Variants in CDON observed in about 807,000 individuals in gnomAD.
The protein encoded by CDON is cell adhesion molecule-related/down-regulated by oncogenes.
Under a neutral mutation model 120.9 loss-of-function variants are expected in CDON, and 73 were observed. That is an observed-to-expected ratio of 0.60 (90% CI 0.50 to 0.73). CDON has a LOEUF of 0.73. Ranked by LOEUF, CDON falls within the 30% of genes least tolerant of loss-of-function variation. CDON has a pLI of 0.00. For synonymous variants in CDON, 566 were observed against 573.5 expected, an observed-to-expected ratio of 0.99 and a Z score of 0.19; for missense variants, 1,470 against 1,587.3, an observed-to-expected ratio of 0.93 and a Z score of 1.26.
chr11:125,961,284 G>A (rs1037193030), intron 19 of CDON, among the ~76,000 whole-genome samples, 179 bp from the exon 20 acceptor site: 5 of 152,190 alleles, frequency 3.3e-5, no homozygotes, highest in Non-Finnish European at 5.9e-5. Flanking sequence ...TTAAAATAAA[G>A]TTGAGCTCTC....
intron 16 of CDON, among the ~76,000 whole-genome samples, chr11:125,981,965 A>ATTTCCTTTT (rs1946318366): frequency 2.9e-5 from 1 of 34,424 alleles, no homozygotes; most frequent in African/African-American, 8.2e-5. Context: ...AAGTGATTCT[A>ATTTCCTTTT]TTTTCTTTTT....
At chr11:126,032,294 G>A (rs1947964558) in intron 1 of CDON, among the ~76,000 whole-genome samples, 1 of 151,956 alleles carries the variant, frequency 6.6e-6, no homozygotes, top group Non-Finnish European at 1.5e-5. Flanking sequence ...TACGTTTGGG[G>A]GATGGAGTAG....
intron 11 of CDON, 118 bp downstream of exon 11, chr11:126,001,601 A>G: frequency 1.2e-6 from 1 of 852,240 alleles, no homozygotes; most frequent in Non-Finnish European, 1.9e-6. Context: ...AATAGAACCT[A>G]AAAGAACTGT....
In CDON at chr11:125,959,086, C is replaced by G; in HGVS notation, c.*1856G>C. ...TGTAGAACTTGGGTCTACAGCATCC[C>G]TAATATCCGACTAGGGAATTACATT... On this transcript the variant is annotated 3_prime_UTR_variant, in exon 20 of 20. Coordinates refer to ENST00000531738, the MANE Select transcript of CDON (RefSeq NM_001378964.1). 6.6e-6 allele frequency: 1 copy of G among 152,138 alleles called. No individual in the cohort carries two copies. Among genetic ancestry groups the G allele is most frequent in the East Asian group, 1.9e-4 (1 of 5,194 alleles). 9.4% of individuals were successfully genotyped at this position (152,138 alleles called of 1,614,324 possible). A position where few individuals can be genotyped will look rare whatever the true frequency, so the allele number is the denominator to read the frequency against.
At position 126,017,344 on chromosome 11, in the gene CDON, G is replaced by T; in HGVS notation, c.672C>A (p.His224Gln). Residue 224 changes from histidine (H) to glutamine (Q), a missense_variant, in exon 6 of 20, where the codon CAC (histidine) becomes CAA (glutamine). Physicochemically the swap from His to Gln is conservative, Grantham distance 24 (BLOSUM62 0). Coordinates refer to ENST00000531738, the MANE Select transcript of CDON (RefSeq NM_001378964.1). ...CAGCTAATGCCTGTGAATGGGTGGG[G>T]TGAAGAATGTGAACATCATCTGAAG... is the stretch of plus-strand genomic sequence containing the variant. ...RPSSDDVHILHPTHSQALAVL... is the reference protein window; with the variant it reads ...RPSSDDVHILQPTHSQALAVL... 6.2e-7 allele frequency: 1 copy of T among 1,614,148 alleles called. No homozygotes were observed. The highest frequency in any genetic ancestry group is 8.5e-7 in the Non-Finnish European group (1 of 1,180,020).
intron 5 of CDON, among the ~76,000 whole-genome samples, chr11:126,017,612 T>G (rs973480295): frequency 1.3e-5 from 2 of 152,152 alleles, no homozygotes; most frequent in Non-Finnish European, 1.5e-5. Flanking sequence ...ACGCCTCTGC[T>G]ATGCTCTATT....
Position 125,959,619 on chromosome 11 carries a change from A to G in CDON, c.*1323T>C, listed in dbSNP as rs1386664732. Reference sequence around the variant, plus strand: ...AAAACAAACAAACAAAAAAAAACAAAAAACAAACAAACAAAAAAAAACCCT... The same window carrying G: ...AAAACAAACAAACAAAAAAAAACAAGAAACAAACAAACAAAAAAAAACCCT... On this transcript the variant is annotated 3_prime_UTR_variant, in exon 20 of 20. Transcript: ENST00000531738. The G allele has an allele frequency of 6.6e-6, 1 of 152,180 alleles. No homozygotes were observed. Among genetic ancestry groups the G allele is most frequent in the South Asian group, 2.1e-4 (1 of 4,826 alleles). 9.4% of individuals were successfully genotyped at this position (152,180 alleles called of 1,614,324 possible).
chr11:126,002,634 C>T (rs675864), intron 10 of CDON, among the ~76,000 whole-genome samples: 51,871 of 152,016 alleles, frequency 0.34, 9,136 homozygotes, highest in African/African-American at 0.38. Flanking sequence ...TATCCTTCCT[C>T]TGTGCTTCCC....
chr11:125,988,053 T>G (rs540571211), intron 15 of CDON, among the ~76,000 whole-genome samples: 1 of 152,350 alleles, frequency 6.6e-6, no homozygotes, highest in African/African-American at 2.4e-5. Context: ...CCCTGATGGC[T>G]GCCCAGCTCA....
chr11:126,015,475 T>A lies in CDON; in HGVS notation c.964A>T (p.Ile322Leu). 1 of 1,614,080 alleles carries A rather than the reference T, an allele frequency of 6.2e-7. No individual in the cohort carries two copies. Among genetic ancestry groups the A allele is most frequent in the Non-Finnish European group, 8.5e-7 (1 of 1,179,962 alleles). Residue 322 changes from isoleucine to leucine, a missense_variant, in exon 7 of 20, where the codon ATA becomes TTA. Physicochemically the swap from Ile to Leu is conservative, Grantham distance 5 (BLOSUM62 2). Coordinates refer to ENST00000531738, the MANE Select transcript of CDON (RefSeq NM_001378964.1). ...TGTACTGTGGCACCCAGAGACACTA[T>A]CTGATCCTGTAGTCCTTTAGAAATG... is the stretch of plus-strand genomic sequence containing the variant. ...ASISKGLQDQIVSLGATVHFT... is the reference protein window; with the variant it reads ...ASISKGLQDQLVSLGATVHFT...
intron 14 of CDON, among the ~76,000 whole-genome samples, chr11:125,993,188 T>C (rs1234170280): frequency 3.9e-5 from 6 of 152,308 alleles, no homozygotes; most frequent in African/African-American, 1.4e-4. Flanking sequence ...TGAATATCGT[T>C]AGAGATTCCC....
rs556079274 is a variant in CDON, at chr11:125,984,193, C to G, written c.2774-100G>C. 1.1e-5 allele frequency: 9 copies of G among 818,038 alleles called. No homozygotes were observed. The South Asian group carries it at 1.3e-4, about 12-fold the overall frequency. The allele number at this position is 818,038 out of a possible 1,614,324, so 50.7% of individuals were successfully genotyped here. A position where few individuals can be genotyped will look rare whatever the true frequency, so the allele number is the denominator to read the frequency against. On this transcript the variant is annotated intron_variant, in intron 15 of 19. Transcript: ENST00000531738. ...GGTCTGGTTAGGAATGCAAGCCAGTCTGTTTACTCTTGTTACTGAGATGAC... is the reference window on the plus strand; with the variant it reads ...GGTCTGGTTAGGAATGCAAGCCAGTGTGTTTACTCTTGTTACTGAGATGAC...
chr11:126,012,110 T>C (rs749443176), intron 7 of CDON, among the ~76,000 whole-genome samples: 4 of 152,224 alleles, frequency 2.6e-5, no homozygotes, highest in Non-Finnish European at 4.4e-5. Context: ...AAGTCTCCCA[T>C]GTTCTTTTTC....
intron 8 of CDON, among the ~76,000 whole-genome samples, chr11:126,007,232 G>A (rs751890105): frequency 6.6e-6 from 1 of 152,274 alleles, no homozygotes; most frequent in Non-Finnish European, 1.5e-5. Flanking sequence ...TTTGGGAGAA[G>A]GGCTGCACTG....
chr11:125,997,296 T>C lies in CDON; in HGVS notation c.2273A>G (p.Tyr758Cys). 1 of 1,614,156 alleles carries C rather than the reference T, an allele frequency of 6.2e-7. No individual in the cohort carries two copies. The highest frequency in any genetic ancestry group is 8.5e-7 in the Non-Finnish European group (1 of 1,180,010). ...GSPITAFKVE[Y>C]KRMRTSNWLV... ...CCAATTGCTGGTCCTCATCCGTTTA[T>C]ATTCGACTTTGAAGGCAGTGATTGG... Residue 758 changes from tyrosine to cysteine, a missense_variant, in exon 12 of 20, where the codon TAT becomes TGT. By Grantham distance (194) the Tyr-to-Cys change is radical (BLOSUM62 -2). Transcript: ENST00000531738.
chr11:125,984,532 A>C (rs1020987185), intron 15 of CDON, among the ~76,000 whole-genome samples: 2 of 152,144 alleles, frequency 1.3e-5, no homozygotes, highest in African/African-American at 4.8e-5. Context: ...CCCCGTGTCT[A>C]CTAAAAATAC....
intron 14 of CDON, among the ~76,000 whole-genome samples, chr11:125,990,287 G>T (rs1377163775): frequency 6.6e-6 from 1 of 152,240 alleles, no homozygotes; most frequent in African/African-American, 2.4e-5. Flanking sequence ...TGAATAAACT[G>T]CTGAGGATCA....
intron 17 of CDON, among the ~76,000 whole-genome samples, chr11:125,979,031 T>C (rs1183713533): frequency 6.6e-6 from 1 of 152,180 alleles, no homozygotes; most frequent in African/African-American, 2.4e-5. Context: ...ACATACCTCA[T>C]TGTAAAATGT....
chr11:125,964,738 G>A (rs865932862), intron 18 of CDON, among the ~76,000 whole-genome samples: 8 of 152,106 alleles, frequency 5.3e-5, no homozygotes, highest in East Asian at 1.9e-4. Flanking sequence ...CACTTTGCAC[G>A]TTCTAGCCAG....
Sources: gnomAD v4.1 joint callset for allele counts (sites outside exome capture counted in the v4.1 genomes callset) on GRCh38, gnomAD v4.1.1 for gene constraint, MANE v1.5 for transcripts, NCBI Gene and HGNC (gene_info 2026-07-23, HGNC 2026-07-21) for gene names.